Variants in CDH12 observed in about 807,000 individuals in gnomAD.
CDH12 encodes cadherin 12, also known as cadherin-12.
In CDH12, 41 loss-of-function variants were observed where a neutral mutation model predicts 74.1. The observed-to-expected ratio is 0.55, with a 90% CI of 0.43 to 0.72. The LOEUF (loss-of-function observed/expected upper bound fraction) is 0.72. Ranked by LOEUF, CDH12 falls within the 30% of genes least tolerant of loss-of-function variation. The pLI, the probability that CDH12 is intolerant of heterozygous loss-of-function variation, is 0.00. For synonymous variants in CDH12, 399 were observed against 355.0 expected (o/e 1.12, Z -1.39); for missense variants, 945 against 977.2 (o/e 0.97, Z 0.44).
chr5:22,193,142 A>G (rs1428233581), intron 4 of CDH12, among the ~76,000 whole-genome samples: 1 of 152,162 alleles, frequency 6.6e-6, no homozygotes, highest in Non-Finnish European at 1.5e-5. Flanking sequence ...AGCCCTACAT[A>G]TGTCTTTTTG....
At chr5:22,039,653 T>C (rs1739431796) in intron 5 of CDH12, among the ~76,000 whole-genome samples, 1 of 152,110 alleles carries the variant, frequency 6.6e-6, no homozygotes, top group South Asian at 2.1e-4. Context: ...AAAACCTTAC[T>C]ACCAGCACTG....
intron 2 of CDH12, among the ~76,000 whole-genome samples, chr5:22,429,102 C>CTATTTTATTTTATTT (rs546752099): frequency 1.7e-3 from 247 of 144,870 alleles, no homozygotes; most frequent in African/African-American, 6.1e-3. Context: ...CACTTTTATT[C>CTATTTTATTTTATTT]TATTTTATTT....
Position 22,138,714 on chromosome 5 carries a change from TTTAG to T in CDH12, c.-186-59856_-186-59853del, listed in dbSNP as rs1375386905. Among the ~76,000 whole-genome samples the T allele has an allele frequency of 1.5e-4, 22 of 149,524 alleles. No individual in the cohort carries two copies. In the East Asian group the frequency reaches 3.9e-3, roughly 27 times the overall value. ...ATTTTAACATCATAGAGACAAAGAT[TTTAG>T]TTAGTCTTTTGTTTTGCTGTCAAAT... On this transcript the variant is annotated intron_variant, in intron 4 of 14. Coordinates refer to ENST00000382254, the MANE Select transcript of CDH12 (RefSeq NM_004061.5).
At chr5:22,848,439 C>T (rs961722165) in intron 1 of CDH12, among the ~76,000 whole-genome samples, 4 of 152,068 alleles carry the variant, frequency 2.6e-5, no homozygotes, top group Admixed American at 6.5e-5. Context: ...AGACTTTATC[C>T]CCCAATTTTG....
intron 1 of CDH12, among the ~76,000 whole-genome samples, chr5:22,594,831 T>C (rs1319599469): frequency 6.6e-6 from 1 of 152,220 alleles, no homozygotes; most frequent in African/African-American, 2.4e-5. Context: ...GGACTGGCTG[T>C]TCTCTGTTCA....
intron 1 of CDH12, among the ~76,000 whole-genome samples, chr5:22,790,743 T>C (rs894134101): frequency 1.3e-5 from 2 of 152,184 alleles, no homozygotes; most frequent in African/African-American, 4.8e-5. Context: ...TCTTGTGTTT[T>C]GTGAATACCT....
intron 5 of CDH12, among the ~76,000 whole-genome samples, chr5:22,058,386 G>T (rs552704509): frequency 1.6e-4 from 25 of 152,066 alleles, no homozygotes; most frequent in Non-Finnish European, 2.4e-4. Flanking sequence ...TATACCACTG[G>T]TTCTTCAGGC....
At chr5:21,966,881 G>T (rs553516459) in intron 6 of CDH12, among the ~76,000 whole-genome samples, 4 of 152,050 alleles carry the variant, frequency 2.6e-5, no homozygotes, top group Non-Finnish European at 4.4e-5. Flanking sequence ...TTTTTGAATC[G>T]CATGCAGTTG....
chr5:22,637,760 G>A (rs1580839806), intron 1 of CDH12, among the ~76,000 whole-genome samples: 3 of 152,328 alleles, frequency 2.0e-5, no homozygotes, highest in Admixed American at 6.5e-5. Flanking sequence ...AAAGCATATT[G>A]AGTGTATCAA....
At chr5:21,839,234 ATC>A (rs1002797920) in intron 8 of CDH12, among the ~76,000 whole-genome samples, 8 of 152,180 alleles carry the variant, frequency 5.3e-5, no homozygotes, top group African/African-American at 1.7e-4. Flanking sequence ...CTCCTTTTAT[ATC>A]TCTTTTTTCC....
intron 8 of CDH12, among the ~76,000 whole-genome samples, chr5:21,840,965 A>G (rs1749810540): frequency 6.6e-6 from 1 of 151,916 alleles, no homozygotes; most frequent in Non-Finnish European, 1.5e-5. Flanking sequence ...TTCATGTCTA[A>G]AACACCAAAA....
chr5:21,845,465 CT>C (rs1354359461), intron 7 of CDH12, among the ~76,000 whole-genome samples: 1 of 152,020 alleles, frequency 6.6e-6, no homozygotes, highest in Non-Finnish European at 1.5e-5. Flanking sequence ...AGTCCCTAAC[CT>C]TCTCCAAACT....
intron 5 of CDH12, among the ~76,000 whole-genome samples, chr5:22,020,956 T>G (rs950364315): frequency 6.6e-6 from 1 of 152,186 alleles, no homozygotes; most frequent in Non-Finnish European, 1.5e-5. Context: ...CTGTTTTTAT[T>G]ACTATTTTAA....
At chr5:22,614,682 T>A (rs1737600045) in intron 1 of CDH12, among the ~76,000 whole-genome samples, 1 of 152,100 alleles carries the variant, frequency 6.6e-6, no homozygotes, top group South Asian at 2.1e-4. Flanking sequence ...TGGTGGGGGC[T>A]TTTGGTGTTT....
At chr5:22,406,947 A>T (rs1742964336) in intron 2 of CDH12, among the ~76,000 whole-genome samples, 1 of 152,128 alleles carries the variant, frequency 6.6e-6, no homozygotes, top group African/African-American at 2.4e-5. Context: ...GAAACAGCAA[A>T]TATGAAAGAA....
chr5:22,193,747 C>A (rs1056043590), intron 4 of CDH12, among the ~76,000 whole-genome samples: 2 of 151,568 alleles, frequency 1.3e-5, no homozygotes, highest in African/African-American at 4.9e-5. Context: ...AGAAGAAAAA[C>A]CCACGAGGGT....
At chr5:21,944,053 C>T (rs1409002691) in intron 6 of CDH12, among the ~76,000 whole-genome samples, 1 of 152,036 alleles carries the variant, frequency 6.6e-6, no homozygotes, top group East Asian at 1.9e-4. Context: ...TCTATTTATT[C>T]ACAATCTCAG....
chr5:22,628,776 T>G (rs1481271610), intron 1 of CDH12, among the ~76,000 whole-genome samples: 1 of 151,912 alleles, frequency 6.6e-6, no homozygotes, highest in Non-Finnish European at 1.5e-5. Context: ...AATTGAGATG[T>G]AAAAAACTTA....
At chr5:21,878,574 C>CAAAAAAAAAAAA (rs55681202) in intron 6 of CDH12, among the ~76,000 whole-genome samples, 4 of 119,664 alleles carry the variant, frequency 3.3e-5, no homozygotes, top group African/African-American at 9.7e-5. Flanking sequence ...ACCAAAAATA[C>CAAAAAAAAAAAA]AAAAAAAAAA....
Sources: allele counts gnomAD v4.1 joint callset (sites outside exome capture counted in the v4.1 genomes callset), GRCh38; gene constraint gnomAD v4.1.1; transcripts MANE v1.5; gene names NCBI Gene and HGNC (gene_info 2026-07-23, HGNC 2026-07-21).